WDHD1: variants seen among roughly 807,000 people sequenced by gnomAD.
WDHD1 encodes WD repeat and HMG-box DNA binding protein 1.
A neutral mutation model predicts 135.4 loss-of-function variants in WDHD1; 111 were observed. The observed-to-expected ratio is 0.82, with a 90% CI of 0.70 to 0.96. The LOEUF is 0.96. WDHD1 is among the 40% of genes least tolerant of loss of function. The probability of loss-of-function intolerance (pLI) is 0.00; values close to 1 mark genes in which losing one functional copy is unlikely to be tolerated. For missense variants in WDHD1, 1,351 were observed against 1,336.3 expected (o/e 1.01, Z -0.17); for synonymous variants, 434 against 439.0 (o/e 0.99, Z 0.14).
chr14:55,010,380 C>T lies in WDHD1; in HGVS notation c.270G>A (p.Leu90=), dbSNP rs375834361. 186 of 1,613,562 alleles carry T rather than the reference C, an allele frequency of 1.2e-4. No homozygotes were observed. In the Middle Eastern group the frequency reaches 1.5e-3, roughly 13 times the overall value. ...TFPEGVPDGI[L]TRFTTNANHV... ...GGTTTGCATTTGTAGTGAAGCGAGT[C>T]AATATACCATCTGGAACTCCTTCAG... The change falls in exon 4 of 26, where the codon TTG becomes TTA. Residue 90 remains leucine (L), a synonymous_variant. Transcript: ENST00000360586.
chr14:55,008,178 T>A, intron 6 of WDHD1, 138 bp downstream of exon 6: 3 of 752,448 alleles, frequency 4.0e-6, no homozygotes, highest in South Asian at 5.3e-5. Flanking sequence ...TGGACTTTGA[T>A]CACAAAAACA....
intron 16 of WDHD1, among the ~76,000 whole-genome samples, chr14:54,977,595 G>A (rs2041545807): frequency 6.6e-6 from 1 of 152,084 alleles, no homozygotes; most frequent in Non-Finnish European, 1.5e-5. Context: ...CTATTATTTG[G>A]AGGCATGAAC....
At chr14:54,976,484 A>G (rs2041526563) in intron 16 of WDHD1, among the ~76,000 whole-genome samples, 1 of 152,206 alleles carries the variant, frequency 6.6e-6, no homozygotes, top group Non-Finnish European at 1.5e-5. Flanking sequence ...GCTGTGAGTC[A>G]CAAAGCCTGG....
At chr14:54,948,280 G>T (rs899112891) in intron 24 of WDHD1, among the ~76,000 whole-genome samples, 1 of 152,260 alleles carries the variant, frequency 6.6e-6, no homozygotes, top group African/African-American at 2.4e-5. Flanking sequence ...AGCGCAAGGG[G>T]TCAGAAAATT....
intron 16 of WDHD1, 138 bp downstream of exon 16, chr14:54,981,402 C>A: frequency 2.5e-6 from 2 of 797,540 alleles, no homozygotes; most frequent in South Asian, 2.0e-5. Flanking sequence ...TGAATATGAA[C>A]AAATTCCTAA....
rs777415376 is a variant in WDHD1 at position 55,002,094 on chromosome 14, TGA to T, written c.690_691del (p.Gln231AspfsTer18). On this transcript the variant is annotated frameshift_variant and splice_region_variant, in exon 8 of 26. Transcript: ENST00000360586. LOFTEE classifies it high-confidence loss of function. ...AAAGTGTCACTTTGTAAAACCTACC[TGA>T]GAGATGAAATTATCTGAAAGATCAA... The T allele has an allele frequency of 6.2e-7, 1 of 1,602,718 alleles. No homozygotes were observed. The highest frequency in any genetic ancestry group is 2.2e-5 in the East Asian group (1 of 44,688).
At chr14:54,984,310 C>A (rs181850936) in intron 15 of WDHD1, among the ~76,000 whole-genome samples, 85 of 152,262 alleles carry the variant, frequency 5.6e-4, no homozygotes, top group African/African-American at 1.8e-3. Flanking sequence ...GCCTGGGCAA[C>A]ATGGCAAAAC....
rs761267041 is a variant in WDHD1 at position 54,991,311 on chromosome 14, T to C, written c.1243A>G (p.Thr415Ala). Residue 415 changes from threonine (T) to alanine (A), a missense_variant, in exon 12 of 26, where the codon ACA becomes GCA. Transcript: ENST00000360586. Reference protein sequence around the residue: ...EGSIHNLPLVTSQRPFYDGPM... With the variant: ...EGSIHNLPLVASQRPFYDGPM... ...CCATCATAAAATGGCCTTTGGGATG[T>C]TACAAGTGGTAGATTGTGAATGCTG... 1 of 1,614,158 alleles carries C rather than the reference T, an allele frequency of 6.2e-7. No individual in the cohort carries two copies. Among genetic ancestry groups the C allele is most frequent in the Non-Finnish European group, 8.5e-7 (1 of 1,179,984 alleles).
At chr14:55,014,995 G>C (rs1374492374) in intron 2 of WDHD1, among the ~76,000 whole-genome samples, 1 of 152,100 alleles carries the variant, frequency 6.6e-6, no homozygotes, top group Non-Finnish European at 1.5e-5. Flanking sequence ...TGAAGTCTAG[G>C]TCACCTATTT....
At chr14:54,979,719 C>T (rs1018497603) in intron 16 of WDHD1, among the ~76,000 whole-genome samples, 7 of 152,282 alleles carry the variant, frequency 4.6e-5, no homozygotes, top group African/African-American at 1.7e-4. Context: ...AATTTACATG[C>T]TCAAAAAGTA....
intron 15 of WDHD1, 59 bp downstream of exon 15, chr14:54,984,664 C>T: frequency 1.5e-6 from 2 of 1,341,074 alleles, no homozygotes; most frequent in Non-Finnish European, 9.9e-7. Context: ...TAATTTTCTT[C>T]TTGAAGAATA....
chr14:54,958,212 C>T (rs947311680), intron 21 of WDHD1, among the ~76,000 whole-genome samples: 1 of 149,566 alleles, frequency 6.7e-6, no homozygotes, highest in Non-Finnish European at 1.5e-5. Context: ...CTGCAAAGTC[C>T]ACCTCCCAGG....
At chr14:55,017,816 C>T (rs1227514317) in intron 2 of WDHD1, among the ~76,000 whole-genome samples, 7 of 151,836 alleles carry the variant, frequency 4.6e-5, no homozygotes, top group Admixed American at 2.6e-4. Flanking sequence ...TGCTGAACAA[C>T]AGAATTTTTG....
At chr14:55,023,184 C>T (rs929403482) in intron 2 of WDHD1, among the ~76,000 whole-genome samples, 1 of 152,120 alleles carries the variant, frequency 6.6e-6, no homozygotes, top group Non-Finnish European at 1.5e-5. Flanking sequence ...TTAAACTTTC[C>T]AGCTTTAGAT....
chr14:54,970,938 C>T (rs1220675281), intron 16 of WDHD1, among the ~76,000 whole-genome samples: 1 of 152,112 alleles, frequency 6.6e-6, no homozygotes, highest in South Asian at 2.1e-4. Context: ...TAAAGCCACA[C>T]ACCTACAACC....
intron 16 of WDHD1, among the ~76,000 whole-genome samples, chr14:54,980,042 C>T (rs1566723747): frequency 6.6e-6 from 1 of 152,176 alleles, no homozygotes; most frequent in Non-Finnish European, 1.5e-5. Flanking sequence ...GTATACAATT[C>T]AGCCAGGCAC....
In WDHD1 at chr14:55,007,318, A is replaced by G. The variant is rs369642815; in HGVS notation, c.562T>C (p.Ser188Pro). Residue 188 changes from serine (S) to proline (P), a missense_variant, in exon 7 of 26, where the codon TCA becomes CCA. Physicochemically the swap from Ser to Pro is moderately conservative, Grantham distance 74 (BLOSUM62 -1). Coordinates refer to ENST00000360586, the MANE Select transcript of WDHD1 (RefSeq NM_007086.4). ...QKCNDVINAK[S>P]ICRLAWQPKS... ...GGCTGCCAAGCAAGTCTGCAGATTG[A>G]TTTTGCATTTATCACATCGTTGCAT... 6.2e-6 allele frequency: 10 copies of G among 1,606,940 alleles called. No individual in the cohort carries two copies. The highest frequency in any genetic ancestry group is 8.5e-6 in the Non-Finnish European group (10 of 1,178,096).
rs920643671 is a variant in WDHD1, at chr14:54,939,705, C to G, written c.*1785G>C. ...AAGTTAAACCAAGTCAATACAAAAACCTTCCTTCAGCCAAAAAAAAGTAGG... is the reference window on the plus strand; with the variant it reads ...AAGTTAAACCAAGTCAATACAAAAAGCTTCCTTCAGCCAAAAAAAAGTAGG... On this transcript the variant is annotated 3_prime_UTR_variant, in exon 26 of 26. Coordinates refer to ENST00000360586, the MANE Select transcript of WDHD1 (RefSeq NM_007086.4). The G allele has an allele frequency of 6.6e-6, 1 of 151,904 alleles. No homozygotes were observed. The highest frequency in any genetic ancestry group is 1.5e-5 in the Non-Finnish European group (1 of 67,986). The allele number at this position is 151,904 out of a possible 1,614,324, so 9.4% of individuals were successfully genotyped here.
intron 2 of WDHD1, among the ~76,000 whole-genome samples, chr14:55,023,945 A>T (rs2042390579): frequency 6.6e-6 from 1 of 152,154 alleles, no homozygotes; most frequent in Admixed American, 6.5e-5. Context: ...TTTATAATAG[A>T]TTTGTGTATA....
Sources: gnomAD v4.1 joint callset for allele counts (sites outside exome capture counted in the v4.1 genomes callset) on GRCh38, gnomAD v4.1.1 for gene constraint, MANE v1.5 for transcripts, NCBI Gene and HGNC (gene_info 2026-07-23, HGNC 2026-07-21) for gene names.